IL6R: variants seen among roughly 807,000 people sequenced by gnomAD.
The protein encoded by IL6R is interleukin 6 receptor, also known as interleukin-6 receptor subunit alpha.
IL6R carries 38 observed loss-of-function variants against 48.3 expected under a neutral mutation model. The ratio of observed to expected loss-of-function variants is 0.79; its 90% CI spans 0.61 to 1.03. The LOEUF is 1.03. Among genes scored for constraint, IL6R ranks in the 50% least tolerant of loss-of-function variants. IL6R has a pLI of 0.00. For missense variants in IL6R, 534 were observed against 618.3 expected, an observed-to-expected ratio of 0.86 and a Z score of 1.45; for synonymous variants, 264 against 256.2, an observed-to-expected ratio of 1.03 and a Z score of -0.29.
intron 6 of IL6R, among the ~76,000 whole-genome samples, chr1:154,441,710 G>A (rs1689944714): frequency 6.6e-6 from 1 of 152,100 alleles, no homozygotes; most frequent in South Asian, 2.1e-4. Flanking sequence ...ACCGTGTGGG[G>A]TGAGCTTACC....
Position 154,467,058 on chromosome 1 carries a change from C to G in IL6R, c.*1678C>G, listed in dbSNP as rs1480965487. ...CCAGTGCCGAGAAGGAAGCCTCCCA[C>G]GACTGCCCGGCAGGGTCCTAGAAAT... On this transcript the variant is annotated 3_prime_UTR_variant, in exon 10 of 10. Coordinates refer to ENST00000368485, the MANE Select transcript of IL6R (RefSeq NM_000565.4). 6.6e-6 allele frequency: 1 copy of G among 152,318 alleles called. No homozygotes were observed. Among genetic ancestry groups the G allele is most frequent in the African/African-American group, 2.4e-5 (1 of 41,420 alleles). 9.4% of individuals were successfully genotyped at this position (152,318 alleles called of 1,614,324 possible).
At chr1:154,420,511 T>TTTTATTTATTTA (rs372431155) in intron 1 of IL6R, among the ~76,000 whole-genome samples, 2,612 of 147,864 alleles carry the variant, frequency 0.018, 38 homozygotes, top group Non-Finnish European at 0.025. Context: ...CTTTATTTTA[T>TTTTATTTATTTA]TTTATTTATT....
intron 1 of IL6R, among the ~76,000 whole-genome samples, chr1:154,426,354 T>TA (rs1193517123): frequency 4.7e-5 from 7 of 147,592 alleles, no homozygotes; most frequent in Admixed American, 4.7e-4. Context: ...CTACTAAAAA[T>TA]ACAAAAAAAG....
At chr1:154,454,141 G>A in intron 8 of IL6R, 1 of 327,356 alleles carries the variant, frequency 3.1e-6, no homozygotes, top group African/African-American at 2.1e-5. Flanking sequence ...GTGGGAGCAG[G>A]TGGAATGTCA....
At chr1:154,436,547 T>A (rs1310279001) in intron 6 of IL6R, among the ~76,000 whole-genome samples, 1 of 152,178 alleles carries the variant, frequency 6.6e-6, no homozygotes, top group African/African-American at 2.4e-5. Context: ...ATACAGTCAG[T>A]TAGGCAGCTC....
intron 3 of IL6R, among the ~76,000 whole-genome samples, chr1:154,432,582 T>G (rs4845619): frequency 0.52 from 78,514 of 151,958 alleles, 20,771 homozygotes; most frequent in Admixed American, 0.62. Flanking sequence ...GGTCTCGAAC[T>G]TCTGACCTAG....
chr1:154,430,665 G>C (rs769816627), intron 3 of IL6R, 59 bp downstream of exon 3: 1 of 1,606,424 alleles, frequency 6.2e-7, no homozygotes, highest in South Asian at 1.1e-5. Context: ...AGGCCCCCCA[G>C]AGAGGGGCTG....
At chr1:154,457,213 C>T (rs1690933277) in intron 9 of IL6R, among the ~76,000 whole-genome samples, 1 of 149,480 alleles carries the variant, frequency 6.7e-6, no homozygotes, top group Non-Finnish European at 1.5e-5. Context: ...ATCTCAGCTA[C>T]TTGGGAGGCT....
At chr1:154,441,871 C>A (rs1219800994) in intron 6 of IL6R, among the ~76,000 whole-genome samples, 1 of 152,200 alleles carries the variant, frequency 6.6e-6, no homozygotes, top group African/African-American at 2.4e-5. Context: ...GTTAGTTCAG[C>A]TCTCAGAGCC....
rs755092686 is a variant in IL6R at position 154,430,591 on chromosome 1, T to A, written c.443T>A (p.Leu148His). ...STPSLTTKAV[L>H]LVRKFQNSPA... is the part of the protein sequence containing the mutation. ...CCATCCCTGACGACAAAGGCTGTGC[T>A]CTTGGTGAGGAAGTTGTAAGTATCT... The change falls in exon 3 of 10, where the codon CTC becomes CAC. Residue 148 changes from leucine (L) to histidine (H), a missense_variant. Leu to His is a moderately conservative substitution (Grantham distance 99). Coordinates refer to ENST00000368485, the MANE Select transcript of IL6R (RefSeq NM_000565.4). 1 of 1,614,208 alleles carries A rather than the reference T, an allele frequency of 6.2e-7. No homozygotes were observed. Among genetic ancestry groups the A allele is most frequent in the Non-Finnish European group, 8.5e-7 (1 of 1,180,032 alleles).
At chr1:154,446,586 C>T (rs1690242557) in intron 6 of IL6R, among the ~76,000 whole-genome samples, 1 of 152,196 alleles carries the variant, frequency 6.6e-6, no homozygotes, top group Non-Finnish European at 1.5e-5. Flanking sequence ...ACGGTTAAGG[C>T]CCAGGCTTTC....
At chr1:154,458,060 G>A (rs1444601012) in intron 9 of IL6R, among the ~76,000 whole-genome samples, 8 of 149,350 alleles carry the variant, frequency 5.4e-5, no homozygotes, top group African/African-American at 1.5e-4. Flanking sequence ...TCCGCCTCCC[G>A]GGTTCACGCC....
intron 6 of IL6R, 69 bp downstream of exon 6, chr1:154,436,179 G>A: frequency 6.6e-7 from 1 of 1,504,914 alleles, no homozygotes; most frequent in Non-Finnish European, 9.0e-7. Flanking sequence ...CCATTGCTAT[G>A]TGACAAGTTG....
chr1:154,434,219 A>G (rs1348669371), intron 3 of IL6R, among the ~76,000 whole-genome samples: 1 of 151,918 alleles, frequency 6.6e-6, no homozygotes, highest in South Asian at 2.1e-4. Flanking sequence ...AGGCAGGAGA[A>G]TCTCTTGAAC....
At chr1:154,425,460 C>G (rs1688910284) in intron 1 of IL6R, among the ~76,000 whole-genome samples, 1 of 152,166 alleles carries the variant, frequency 6.6e-6, no homozygotes, top group African/African-American at 2.4e-5. Flanking sequence ...ACTGAACGAA[C>G]TACGTGTCAG....
intron 1 of IL6R, among the ~76,000 whole-genome samples, chr1:154,415,413 G>C (rs1047959176): frequency 6.6e-5 from 10 of 152,104 alleles, no homozygotes; most frequent in Non-Finnish European, 1.3e-4. Context: ...AATTTTCAAA[G>C]TTACATTTTA....
intron 7 of IL6R, among the ~76,000 whole-genome samples, chr1:154,448,910 G>A (rs1295129957): frequency 2.2e-5 from 2 of 92,724 alleles, no homozygotes; most frequent in East Asian, 3.1e-4. Context: ...TTTTTGAGAC[G>A]GAGTCTCGCT....
chr1:154,433,096 C>A (rs141257313), intron 3 of IL6R, among the ~76,000 whole-genome samples: 1 of 152,224 alleles, frequency 6.6e-6, no homozygotes, highest in Admixed American at 6.5e-5. Flanking sequence ...TGGGCACACA[C>A]GTAAAGCAGT....
chr1:154,459,208 C>T (rs1369105544), intron 9 of IL6R, among the ~76,000 whole-genome samples: 3 of 152,202 alleles, frequency 2.0e-5, no homozygotes, highest in African/African-American at 7.2e-5. Context: ...AGGTTGGGAA[C>T]AGACCTGGTT....
Sources: allele counts gnomAD v4.1 joint callset (sites outside exome capture counted in the v4.1 genomes callset), GRCh38; gene constraint gnomAD v4.1.1; transcripts MANE v1.5; gene names NCBI Gene and HGNC (gene_info 2026-07-23, HGNC 2026-07-21).